The following MTUS1 variants were observed in gnomAD, a reference collection of about 807,000 sequenced individuals.
The protein encoded by MTUS1 is microtubule associated scaffold protein 1.
A neutral mutation model predicts 120.8 loss-of-function variants in MTUS1; 109 were observed. That is an observed-to-expected ratio of 0.90 (90% CI 0.77 to 1.06). MTUS1 has a LOEUF of 1.06. MTUS1 is among the 50% of genes least tolerant of loss of function. The probability of loss-of-function intolerance (pLI) is 0.00; values close to 1 mark genes in which losing one functional copy is unlikely to be tolerated. For synonymous variants in MTUS1, 737 were observed against 550.5 expected (o/e 1.34, Z -4.74); for missense variants, 2,210 against 1,486.3 (o/e 1.49, Z -8.01).
chr8:17,794,188 C>T (rs540499620), intron 1 of MTUS1, among the ~76,000 whole-genome samples: 19 of 152,016 alleles, frequency 1.2e-4, no homozygotes, highest in African/African-American at 4.1e-4. Flanking sequence ...TGAAGACGGG[C>T]GTGGTGGTGC....
At chr8:17,704,104 T>G (rs374903) in intron 6 of MTUS1, 15,807 of 152,196 alleles carry the variant, frequency 0.1, 1,483 homozygotes, top group African/African-American at 0.25. Flanking sequence ...GAAACAAAAA[T>G]AACCTACATT....
At chr8:17,724,244 A>G (rs571119396) in intron 3 of MTUS1, 9 of 334,060 alleles carry the variant, frequency 2.7e-5, no homozygotes, top group Admixed American at 1.9e-4. Flanking sequence ...ACAATAGGCT[A>G]TCATATAAGA....
At chr8:17,786,922 G>C (rs376985173) in intron 1 of MTUS1, among the ~76,000 whole-genome samples, 2 of 152,168 alleles carry the variant, frequency 1.3e-5, no homozygotes, top group Non-Finnish European at 2.9e-5. Context: ...AGCATATACT[G>C]TTTTGTATCA....
intron 6 of MTUS1, among the ~76,000 whole-genome samples, chr8:17,691,523 C>T (rs1172997713): frequency 6.6e-6 from 1 of 152,190 alleles, no homozygotes; most frequent in African/African-American, 2.4e-5. Flanking sequence ...AAGAGGCCAG[C>T]AAAATCTTTC....
chr8:17,694,679 C>A (rs1398393959), intron 6 of MTUS1, among the ~76,000 whole-genome samples: 4 of 151,516 alleles, frequency 2.6e-5, no homozygotes, highest in African/African-American at 9.7e-5. Flanking sequence ...AACAAAGCAA[C>A]AAAAAAACAA....
chr8:17,742,567 T>C (rs2047419549), intron 3 of MTUS1, among the ~76,000 whole-genome samples: 1 of 152,076 alleles, frequency 6.6e-6, no homozygotes. Context: ...TCCACCCAGA[T>C]CCTCTGGGGA....
chr8:17,691,631 G>C (rs1816962457), intron 6 of MTUS1, among the ~76,000 whole-genome samples: 1 of 151,628 alleles, frequency 6.6e-6, no homozygotes. Context: ...TCTTCACCTT[G>C]GTCCTTTTGA....
chr8:17,684,453 A>G lies in MTUS1; in HGVS notation c.2713T>C (p.Leu905=), dbSNP rs369394717. The part of the protein sequence containing the change: ...DALPPEKTLE[L]TQYKTKCENQ... Reference sequence around the variant, plus strand: ...TCACATTTTGTTTTATATTGCGTCAATTCAAGTGTTTTCTCAGGGGGCAGC... The same window carrying G: ...TCACATTTTGTTTTATATTGCGTCAGTTCAAGTGTTTTCTCAGGGGGCAGC... Residue 905 remains leucine, a synonymous_variant, in exon 7 of 15, where the codon TTG becomes CTG. Coordinates refer to ENST00000693296, the MANE Select transcript of MTUS1 (RefSeq NM_001363059.2). The G allele has an allele frequency of 3.7e-6, 6 of 1,614,086 alleles. No individual in the cohort carries two copies. In the African/African-American group the frequency reaches 4.0e-5, roughly 11 times the overall value.
intron 1 of MTUS1, among the ~76,000 whole-genome samples, chr8:17,798,600 G>C (rs1015181914): frequency 1.1e-4 from 16 of 152,156 alleles, no homozygotes; most frequent in African/African-American, 1.4e-4. Flanking sequence ...CCAAAGTGCT[G>C]GGATTAGAGG....
intron 3 of MTUS1, among the ~76,000 whole-genome samples, chr8:17,742,569 C>A (rs540268605): frequency 6.6e-6 from 1 of 152,144 alleles, no homozygotes; most frequent in Admixed American, 6.6e-5. Context: ...CACCCAGATC[C>A]TCTGGGGATG....
Position 17,743,799 on chromosome 8 carries a change from C to T in MTUS1, c.2092G>A (p.Gly698Ser), listed in dbSNP as rs1201799111. 1 of 1,613,162 alleles carries T rather than the reference C, an allele frequency of 6.2e-7. No homozygotes were observed. The highest frequency in any genetic ancestry group is 1.7e-5 in the Admixed American group (1 of 59,934). The change falls in exon 3 of 15, where the codon GGC becomes AGC. Residue 698 changes from glycine (G) to serine (S), a missense_variant and splice_region_variant. Transcript: ENST00000693296. ...ETFEYGSLFL[G>S]SASKTTTTSG... ...GTGGTCGTTGTTTTTGAAGCAGAGC[C>T]CTGTGAAAATAACAGTTAAGACTGT... is the stretch of plus-strand genomic sequence containing the variant.
intron 1 of MTUS1, among the ~76,000 whole-genome samples, chr8:17,786,891 T>C (rs970406042): frequency 6.6e-6 from 1 of 152,254 alleles, no homozygotes; most frequent in Non-Finnish European, 1.5e-5. Context: ...GGATCCCTTA[T>C]GAACTCTTCC....
At chr8:17,773,761 A>C (rs564661833) in intron 1 of MTUS1, among the ~76,000 whole-genome samples, 1 of 152,148 alleles carries the variant, frequency 6.6e-6, no homozygotes, top group Non-Finnish European at 1.5e-5. Flanking sequence ...AGTCACATTC[A>C]AATCATAGCA....
chr8:17,781,073 A>C (rs895184191), intron 1 of MTUS1: 2 of 152,156 alleles, frequency 1.3e-5, no homozygotes, highest in African/African-American at 2.4e-5. Flanking sequence ...AGATCTCCAT[A>C]AGTACCCTGA....
At chr8:17,657,369 C>A (rs867393178) in intron 8 of MTUS1, among the ~76,000 whole-genome samples, 19 of 151,326 alleles carry the variant, frequency 1.3e-4, no homozygotes, top group African/African-American at 4.4e-4. Flanking sequence ...GAGATCGAGA[C>A]CATCCCGGCT....
chr8:17,675,442 A>C (rs1812904039), intron 7 of MTUS1, among the ~76,000 whole-genome samples, 190 bp from the exon 8 acceptor site: 1 of 152,208 alleles, frequency 6.6e-6, no homozygotes, highest in African/African-American at 2.4e-5. Context: ...CGTAATTCAA[A>C]AATCTGTATT....
At chr8:17,737,356 G>A (rs2047008023) in intron 3 of MTUS1, among the ~76,000 whole-genome samples, 1 of 152,168 alleles carries the variant, frequency 6.6e-6, no homozygotes, top group African/African-American at 2.4e-5. Context: ...ACTGTGCTTG[G>A]CGCACACAGG....
At position 17,649,842 on chromosome 8, in the gene MTUS1, A is replaced by G. The variant is rs1814030632; in HGVS notation, c.3501+4T>C. ...GATCCTCTTTCATTCTGAAGGAAAC[A>G]TACCAGTTTCTCCATTTTCATTAAC... On this transcript the variant is annotated splice_donor_region_variant and intron_variant, in intron 13 of 14. Transcript: ENST00000693296. The G allele has an allele frequency of 6.9e-7, 1 of 1,454,732 alleles. No individual in the cohort carries two copies. The highest frequency in any genetic ancestry group is 9.7e-7 in the Non-Finnish European group (1 of 1,035,200). 90.1% of individuals were successfully genotyped at this position (1,454,732 alleles called of 1,614,324 possible). A position where few individuals can be genotyped will look rare whatever the true frequency, so the allele number is the denominator to read the frequency against.
At position 17,754,399 on chromosome 8, in the gene MTUS1, G is replaced by C. The variant is rs370823098; in HGVS notation, c.1409C>G (p.Ala470Gly). The part of the protein sequence containing the change: ...GLKNIPDSKE[A>G]PVNLCKPSLG... ...ACTGGGTTTACACAGGTTCACAGGT[G>C]CCTCCTTCGAGTCTGGTATGTTTTT... Residue 470 changes from alanine to glycine, a missense_variant, in exon 2 of 15, where the codon GCA (alanine) becomes GGA (glycine). Ala to Gly is a moderately conservative substitution (Grantham distance 60). Coordinates refer to ENST00000693296, the MANE Select transcript of MTUS1 (RefSeq NM_001363059.2). The C allele has an allele frequency of 6.8e-6, 11 of 1,613,990 alleles. No homozygotes were observed. The African/African-American group carries it at 1.5e-4, about 22-fold the overall frequency.
Sources: allele counts gnomAD v4.1 joint callset (sites outside exome capture counted in the v4.1 genomes callset), GRCh38; gene constraint gnomAD v4.1.1; transcripts MANE v1.5; gene names NCBI Gene and HGNC (gene_info 2026-07-23, HGNC 2026-07-21).